CLUAP1: variants seen among roughly 807,000 people sequenced by gnomAD.
The protein encoded by CLUAP1 is intraflagellar transport 38, also known as clusterin-associated protein 1.
Under a neutral mutation model 55.0 loss-of-function variants are expected in CLUAP1, and 50 were observed. That is an observed-to-expected ratio of 0.91 (90% confidence interval 0.72 to 1.15). The LOEUF (loss-of-function observed/expected upper bound fraction) is 1.15. Ranked by LOEUF, CLUAP1 falls within the 50% of genes most tolerant of loss-of-function variation. The pLI, the probability that CLUAP1 is intolerant of heterozygous loss-of-function variation, is 0.00. For synonymous variants in CLUAP1, 195 were observed against 175.4 expected, an observed-to-expected ratio of 1.11 and a Z score of -0.88; for missense variants, 530 against 507.6, an observed-to-expected ratio of 1.04 and a Z score of -0.42.
intron 10 of CLUAP1, 92 bp downstream of exon 10, chr16:3,530,767 C>A (rs1437521047): frequency 5.5e-6 from 5 of 913,706 alleles, no homozygotes; most frequent in Non-Finnish European, 8.6e-6. Context: ...GTATTGAGGC[C>A]CACAAGCGTG....
Position 3,506,339 on chromosome 16 carries a change from C to A in CLUAP1, c.143C>A (p.Pro48His), listed in dbSNP as rs1596383726. ...VLLWLVKRYE[P>H]QTDIPPDVDT... The stretch of plus-strand genomic sequence containing the variant: ...CTTACCTCTCTTGATAGATATGAGC[C>A]CCAGACTGACATCCCGCCTGACGTG... The change falls in exon 3 of 12, where the codon CCC becomes CAC. Residue 48 changes from proline to histidine, a missense_variant. Pro to His is a moderately conservative substitution (Grantham distance 77). Transcript: ENST00000576634. 15 of 1,613,526 alleles carry A rather than the reference C, an allele frequency of 9.3e-6. No homozygotes were observed. The East Asian group carries it at 3.3e-4, about 36-fold the overall frequency.
chr16:3,528,629 C>A (rs1294620023), intron 9 of CLUAP1, among the ~76,000 whole-genome samples: 1 of 152,084 alleles, frequency 6.6e-6, no homozygotes, highest in African/African-American at 2.4e-5. Context: ...CATGCTGTCC[C>A]CGGGCCAGGA....
rs2037469916 is a variant in CLUAP1, at chr16:3,504,748, A to G, written c.51A>G (p.Gly17=). 1.2e-6 allele frequency: 2 copies of G among 1,611,342 alleles called. No individual in the cohort carries two copies. The highest frequency in any genetic ancestry group is 8.5e-7 in the Non-Finnish European group (1 of 1,177,434). The change falls in exon 2 of 12, where the codon GGA becomes GGG. Residue 17 remains glycine, a synonymous_variant. Coordinates refer to ENST00000576634, the MANE Select transcript of CLUAP1 (RefSeq NM_015041.3). ...TCACAGAGATGATGAGAGCCCTGGG[A>G]TACCCTCGACATATTTCTATGGAAA... ...RNFTEMMRAL[G]YPRHISMENF... is the part of the protein sequence containing the mutation.
intron 3 of CLUAP1, among the ~76,000 whole-genome samples, chr16:3,507,668 C>A (rs1429583156): frequency 6.9e-6 from 1 of 145,456 alleles, no homozygotes; most frequent in Non-Finnish European, 1.5e-5. Context: ...TATTTTAAAT[C>A]TCTTCCAGAG....
At chr16:3,504,259 A>G (rs2037461807) in intron 1 of CLUAP1, among the ~76,000 whole-genome samples, 1 of 152,144 alleles carries the variant, frequency 6.6e-6, no homozygotes, top group Non-Finnish European at 1.5e-5. Flanking sequence ...AAAAAAGACA[A>G]CTCAGAAACA....
chr16:3,504,074 G>A (rs925330965), intron 1 of CLUAP1, among the ~76,000 whole-genome samples: 1 of 152,124 alleles, frequency 6.6e-6, no homozygotes, highest in Non-Finnish European at 1.5e-5. Flanking sequence ...TTTTCCTGAG[G>A]TGACCCCAAC....
rs932782850 is a variant in CLUAP1 at position 3,532,728 on chromosome 16, A to G, written c.1037-58A>G. On this transcript the variant is annotated intron_variant, in intron 10 of 11. Coordinates refer to ENST00000576634, the MANE Select transcript of CLUAP1 (RefSeq NM_015041.3). ...GGCCAGAAAACAAATCTTGAATGCT[A>G]TTTCCTGCTTTATTTTCCAAGATTT... 8 of 1,567,670 alleles carry G rather than the reference A, an allele frequency of 5.1e-6. No homozygotes were observed. In the African/African-American group the frequency reaches 9.5e-5, roughly 19 times the overall value.
In CLUAP1 at chr16:3,512,481, A is replaced by C. The variant is rs2037648629; in HGVS notation, c.495+3A>C. ...TCGGCATGGAAGTAGAGTTGAGGGT[A>C]AGCATTCCAGTACTTCCTTAACCAT... On this transcript the variant is annotated splice_donor_region_variant and intron_variant, in intron 5 of 11. Transcript: ENST00000576634. The C allele has an allele frequency of 6.2e-7, 1 of 1,608,202 alleles. No individual in the cohort carries two copies. Among genetic ancestry groups the C allele is most frequent in the African/African-American group, 1.3e-5 (1 of 74,922 alleles).
intron 7 of CLUAP1, among the ~76,000 whole-genome samples, chr16:3,522,233 G>T (rs1022416709): frequency 6.6e-6 from 1 of 151,718 alleles, no homozygotes; most frequent in Non-Finnish European, 1.5e-5. Context: ...GCGCAATCTC[G>T]GCTCACTGCA....
chr16:3,501,187 C>G (rs951118983), intron 1 of CLUAP1, 98 bp downstream of exon 1: 3 of 1,290,224 alleles, frequency 2.3e-6, no homozygotes, highest in African/African-American at 1.5e-5. Flanking sequence ...GAGGCTTGCG[C>G]TGCCGGAGGC....
intron 8 of CLUAP1, among the ~76,000 whole-genome samples, chr16:3,526,152 C>T (rs1384418544): frequency 6.6e-6 from 1 of 152,134 alleles, no homozygotes. Flanking sequence ...GAAATGCAAT[C>T]GGAGAAGCAT....
At chr16:3,529,555 ATAT>A (rs1362064290) in intron 9 of CLUAP1, among the ~76,000 whole-genome samples, 18 of 52,188 alleles carry the variant, frequency 3.4e-4, no homozygotes, top group African/African-American at 8.7e-4. Flanking sequence ...TATATATTAT[ATAT>A]TATTATATAT....
Position 3,537,998 on chromosome 16 carries a change from C to CAAAAAAA in CLUAP1, c.*1743_*1749dup, listed in dbSNP as rs34360832. ...TGGGCAGCAGAGTGAGACTCCATCT[C>CAAAAAAA]AAAAAAAAAAAAAAAAAAAAAAGCA... On this transcript the variant is annotated 3_prime_UTR_variant, in exon 12 of 12. Coordinates refer to ENST00000576634, the MANE Select transcript of CLUAP1 (RefSeq NM_015041.3). 9 of 36,634 alleles carry CAAAAAAA rather than the reference C, an allele frequency of 2.5e-4. No homozygotes were observed. The highest frequency in any genetic ancestry group is 3.1e-4 in the Admixed American group (1 of 3,212). 2.3% of individuals were successfully genotyped at this position (36,634 alleles called of 1,614,324 possible). A position where few individuals can be genotyped will look rare whatever the true frequency, so the allele number is the denominator to read the frequency against.
At chr16:3,513,097 T>C (rs1201981224) in intron 5 of CLUAP1, among the ~76,000 whole-genome samples, 7 of 152,204 alleles carry the variant, frequency 4.6e-5, no homozygotes, top group African/African-American at 2.4e-5. Flanking sequence ...TGGTGTACTC[T>C]GCTTCAGCAT....
chr16:3,537,984 G>C lies in CLUAP1; in HGVS notation c.*1713G>C, dbSNP rs1391314200. The C allele has an allele frequency of 2.4e-5, 3 of 123,750 alleles. No individual in the cohort carries two copies. The highest frequency in any genetic ancestry group is 9.1e-5 in the African/African-American group (3 of 32,842). 7.7% of individuals were successfully genotyped at this position (123,750 alleles called of 1,614,324 possible). ...ACTGCACTCCAGCCTGGGCAGCAGA[G>C]TGAGACTCCATCTCAAAAAAAAAAA... On this transcript the variant is annotated 3_prime_UTR_variant, in exon 12 of 12. Coordinates refer to ENST00000576634, the MANE Select transcript of CLUAP1 (RefSeq NM_015041.3).
chr16:3,496,314 G>A (rs1596376939), upstream of CLUAP1: 1 of 1,046,346 alleles, frequency 9.6e-7, no homozygotes, highest in East Asian at 3.2e-5. Flanking sequence ...TTACCGTCCA[G>A]ACGAACTAAC....
upstream of CLUAP1, chr16:3,500,971 AG>A: frequency 7.7e-7 from 1 of 1,292,008 alleles, no homozygotes; most frequent in Non-Finnish European, 1.1e-6. Flanking sequence ...GCGCCGTCCA[AG>A]GGTCCATTGG....
intron 1 of CLUAP1, among the ~76,000 whole-genome samples, chr16:3,502,577 A>T (rs762548475): frequency 2.0e-5 from 3 of 151,972 alleles, no homozygotes; most frequent in African/African-American, 4.8e-5. Context: ...CCTTTTGGTT[A>T]TGAATTGCTC....
intron 1 of CLUAP1, among the ~76,000 whole-genome samples, chr16:3,504,213 G>C (rs1373064980): frequency 6.6e-6 from 1 of 151,998 alleles, no homozygotes; most frequent in Non-Finnish European, 1.5e-5. Flanking sequence ...TTTAAAACTT[G>C]TGTTATTTGG....
Sources: allele counts gnomAD v4.1 joint callset (sites outside exome capture counted in the v4.1 genomes callset), GRCh38; gene constraint gnomAD v4.1.1; transcripts MANE v1.5; gene names NCBI Gene and HGNC (gene_info 2026-07-23, HGNC 2026-07-21).